CEP89: variants seen among roughly 807,000 people sequenced by gnomAD.
The protein encoded by CEP89 is centrosomal protein 89.
Under a neutral mutation model 97.6 loss-of-function variants are expected in CEP89, and 95 were observed. The ratio of observed to expected loss-of-function variants is 0.97; its 90% CI spans 0.82 to 1.15. The LOEUF is 1.15. Among genes scored for constraint, CEP89 ranks in the 50% most tolerant of loss-of-function variants. The probability of loss-of-function intolerance (pLI) is 0.00; values close to 1 mark genes in which losing one functional copy is unlikely to be tolerated. For synonymous variants in CEP89, 354 were observed against 349.1 expected (o/e 1.01, Z -0.16); for missense variants, 869 against 947.7 (o/e 0.92, Z 1.09).
intron 7 of CEP89, among the ~76,000 whole-genome samples, chr19:32,934,374 T>C (rs1220007667): frequency 6.6e-6 from 1 of 151,918 alleles, no homozygotes; most frequent in East Asian, 1.9e-4. Context: ...AAAACCGAGG[T>C]CACATAGGAC....
intron 4 of CEP89, among the ~76,000 whole-genome samples, chr19:32,950,822 G>A (rs764671128): frequency 1.9e-4 from 29 of 152,276 alleles, no homozygotes; most frequent in South Asian, 1.9e-3. Context: ...TGGCACGGTT[G>A]TACAGTAAAA....
intron 14 of CEP89, among the ~76,000 whole-genome samples, chr19:32,909,282 C>G (rs1178337556): frequency 1.3e-5 from 2 of 152,162 alleles, no homozygotes; most frequent in East Asian, 3.9e-4. Context: ...TTTATCCTGG[C>G]TTGTGGGAGA....
chr19:32,943,686 T>C (rs1970735253), intron 5 of CEP89, among the ~76,000 whole-genome samples: 1 of 151,404 alleles, frequency 6.6e-6, no homozygotes, highest in Non-Finnish European at 1.5e-5. Flanking sequence ...TAAGAGACAT[T>C]AGGTAGTGGG....
Position 32,951,734 on chromosome 19 carries a change from A to G in CEP89, c.492+1881T>C, listed in dbSNP as rs188150107. 1.2e-3 allele frequency among the ~76,000 whole-genome samples: 188 copies of G among 152,122 alleles called. 3 individuals carry two copies. In the East Asian group the frequency reaches 0.022, roughly 18 times the overall value. The stretch of plus-strand genomic sequence containing the variant: ...AACATTTTATTATTTATTATTTTCT[A>G]CTTTTCACATGTTAAAATTTAAAAA... On this transcript the variant is annotated intron_variant, in intron 4 of 18. Coordinates refer to ENST00000305768, the MANE Select transcript of CEP89 (RefSeq NM_032816.5).
In CEP89 at chr19:32,923,489, T is replaced by C; in HGVS notation, c.1218A>G (p.Glu406=). The change falls in exon 12 of 19, where the codon GAA becomes GAG. Residue 406 remains glutamate (E), a synonymous_variant. Coordinates refer to ENST00000305768, the MANE Select transcript of CEP89 (RefSeq NM_032816.5). ...TCTTATTTAACTCTTGGTGCAATTC[T>C]TCATTTTCTTTCACCACTTCTTGGA... is the stretch of plus-strand genomic sequence containing the variant. The part of the protein sequence containing the change: ...MRVQEVVKEN[E]ELHQELNKSS... 6.2e-7 allele frequency: 1 copy of C among 1,611,070 alleles called. No homozygotes were observed. Among genetic ancestry groups the C allele is most frequent in the African/African-American group, 1.3e-5 (1 of 75,004 alleles).
At chr19:32,887,998 G>A (rs558217073) in intron 16 of CEP89, among the ~76,000 whole-genome samples, 157 bp from the exon 17 acceptor site, 1 of 152,344 alleles carries the variant, frequency 6.6e-6, no homozygotes, top group South Asian at 2.1e-4. Context: ...GAGGGCCTGG[G>A]CCTCAGGCCA....
rs189218234 is a variant in CEP89, at chr19:32,931,725, T to C, written c.887-154A>G. Among the ~76,000 whole-genome samples the C allele has an allele frequency of 3.9e-3, 596 of 152,282 alleles. 5 individuals are homozygous for C. The highest frequency in any genetic ancestry group is 0.014 in the African/African-American group (565 of 41,550). On this transcript the variant is annotated intron_variant, in intron 8 of 18. Coordinates refer to ENST00000305768, the MANE Select transcript of CEP89 (RefSeq NM_032816.5). ...GTGTCTGTGTGTGTATGTGTGTCTG[T>C]GTGTGTGAATGAATAAAAGTTACAA...
intron 4 of CEP89, among the ~76,000 whole-genome samples, chr19:32,950,168 T>C (rs1329046273): frequency 6.6e-6 from 1 of 152,082 alleles, no homozygotes; most frequent in Admixed American, 6.6e-5. Context: ...CTCAAGCTTT[T>C]TTATCTCCCA....
At chr19:32,907,275 C>T (rs915699679) in intron 14 of CEP89, among the ~76,000 whole-genome samples, 1 of 152,132 alleles carries the variant, frequency 6.6e-6, no homozygotes, top group African/African-American at 2.4e-5. Context: ...GCAGGAGAAT[C>T]GCTTGAGCCT....
chr19:32,894,891 A>C (rs1383709619), intron 16 of CEP89, among the ~76,000 whole-genome samples: 1 of 152,196 alleles, frequency 6.6e-6, no homozygotes, highest in Non-Finnish European at 1.5e-5. Context: ...CAAGAACCTG[A>C]ACTGGCCCAT....
chr19:32,896,144 G>A (rs924934344), intron 16 of CEP89, among the ~76,000 whole-genome samples: 4 of 152,072 alleles, frequency 2.6e-5, no homozygotes, highest in Admixed American at 2.0e-4. Context: ...GAACCAAAAA[G>A]GAGCCTGAAA....
intron 14 of CEP89, 70 bp from the exon 15 acceptor site, chr19:32,901,482 G>C (rs1969769715): frequency 6.7e-7 from 1 of 1,500,866 alleles, no homozygotes; most frequent in Admixed American, 1.9e-5. Context: ...CACATAACGA[G>C]GAAGATGAGT....
chr19:32,885,269 T>C (rs1187375671), intron 17 of CEP89, among the ~76,000 whole-genome samples: 1 of 152,236 alleles, frequency 6.6e-6, no homozygotes, highest in Non-Finnish European at 1.5e-5. Flanking sequence ...TTAAATATAT[T>C]CTTCGCTCAC....
intron 2 of CEP89, among the ~76,000 whole-genome samples, chr19:32,964,470 C>G (rs1971239718): frequency 6.6e-6 from 1 of 152,228 alleles, no homozygotes; most frequent in African/African-American, 2.4e-5. Context: ...CCACACTCAG[C>G]CAGTGTGTAA....
chr19:32,884,752 A>G (rs964903771), intron 17 of CEP89, among the ~76,000 whole-genome samples: 2 of 151,922 alleles, frequency 1.3e-5, no homozygotes, highest in African/African-American at 4.8e-5. Context: ...TTTTTTAGAG[A>G]TGGGGTCTCT....
rs1169384657 is a variant in CEP89, at chr19:32,917,347, A to T, written c.1384+877T>A. Among the ~76,000 whole-genome samples the T allele has an allele frequency of 2.0e-5, 3 of 152,178 alleles. No individual in the cohort carries two copies. In the East Asian group the frequency reaches 5.8e-4, roughly 29 times the overall value. ...GGAAACTCCTGTGTGCATCTCTGGG[A>T]GATGCTCTCATCTTTAAACACGACC... On this transcript the variant is annotated intron_variant, in intron 13 of 18. Coordinates refer to ENST00000305768, the MANE Select transcript of CEP89 (RefSeq NM_032816.5).
At chr19:32,970,675 T>C (rs1232456551) in intron 1 of CEP89, 2 of 152,176 alleles carry the variant, frequency 1.3e-5, no homozygotes, top group Non-Finnish European at 2.9e-5. Context: ...TTTGTATTTT[T>C]AGTAGAGATG....
intron 5 of CEP89, among the ~76,000 whole-genome samples, chr19:32,944,348 G>A (rs933931861): frequency 2.0e-5 from 3 of 152,100 alleles, no homozygotes; most frequent in Admixed American, 2.0e-4. Context: ...GCAAACTGGG[G>A]AGCAGGCTGT....
chr19:32,918,878 CT>C (rs66761720), intron 12 of CEP89, among the ~76,000 whole-genome samples: 57,804 of 110,464 alleles, frequency 0.52, 13,372 homozygotes, highest in African/African-American at 0.6. Context: ...TTTTCTTTTT[CT>C]TTTTCTTTTT....
Sources: gnomAD v4.1 joint callset for allele counts (sites outside exome capture counted in the v4.1 genomes callset) on GRCh38, gnomAD v4.1.1 for gene constraint, MANE v1.5 for transcripts, NCBI Gene and HGNC (gene_info 2026-07-23, HGNC 2026-07-21) for gene names.